Variants in ENPEP observed in about 807,000 individuals in gnomAD.
The protein encoded by ENPEP is AP-A.
A neutral mutation model predicts 114.5 loss-of-function variants in ENPEP; 103 were observed. The observed-to-expected ratio is 0.90, with a 90% CI of 0.77 to 1.06. The LOEUF (loss-of-function observed/expected upper bound fraction) is 1.06. ENPEP is among the 50% of genes least tolerant of loss of function. The pLI, the probability that ENPEP is intolerant of heterozygous loss-of-function variation, is 0.00. For missense variants in ENPEP, 1,196 were observed against 1,161.3 expected (o/e 1.03, Z -0.43); for synonymous variants, 420 against 422.0 (o/e 1.00, Z 0.06).
chr4:110,516,691 G>A (rs911652480), intron 8 of ENPEP, among the ~76,000 whole-genome samples: 2 of 152,158 alleles, frequency 1.3e-5, no homozygotes, highest in Admixed American at 6.5e-5. Context: ...AAAAGAAAAC[G>A]GCCCCCTTCT....
At chr4:110,544,478 T>C (rs1478290394) in intron 13 of ENPEP, among the ~76,000 whole-genome samples, 2 of 152,076 alleles carry the variant, frequency 1.3e-5, no homozygotes, top group African/African-American at 4.8e-5. Flanking sequence ...GGATATGTAA[T>C]AGATTATTTT....
chr4:110,510,433 A>C, intron 6 of ENPEP, 75 bp downstream of exon 6: 6 of 1,240,304 alleles, frequency 4.8e-6, no homozygotes, highest in South Asian at 1.3e-5. Flanking sequence ...GGACTATGAT[A>C]ATGGTCCCGA....
At chr4:110,487,527 C>T (rs2001255) in intron 1 of ENPEP, among the ~76,000 whole-genome samples, 76,260 of 152,024 alleles carry the variant, frequency 0.5, 19,223 homozygotes, top group Middle Eastern at 0.65. Context: ...TGCTTGTGTG[C>T]GCACGTGTGT....
rs535374222 is a variant in ENPEP, at chr4:110,563,839, C to T, written c.*2281C>T. On this transcript the variant is annotated 3_prime_UTR_variant, in exon 20 of 20. Coordinates refer to ENST00000265162, the MANE Select transcript of ENPEP (RefSeq NM_001977.4). ...AGGAGTTTAAATAATAAAACATAGA[C>T]GTAAAACTGACAGGCAAGGGAGGTT... The T allele has an allele frequency of 1.3e-5, 2 of 152,020 alleles. No homozygotes were observed. The highest frequency in any genetic ancestry group is 2.4e-5 in the African/African-American group (1 of 41,368). 9.4% of individuals were successfully genotyped at this position (152,020 alleles called of 1,614,324 possible). A position where few individuals can be genotyped will look rare whatever the true frequency, so the allele number is the denominator to read the frequency against.
intron 3 of ENPEP, among the ~76,000 whole-genome samples, chr4:110,496,634 C>CT (rs1724948819): frequency 6.6e-6 from 1 of 152,136 alleles, no homozygotes; most frequent in Admixed American, 6.5e-5. Context: ...TGATATATGA[C>CT]ATTTCTCAGT....
chr4:110,549,376 G>A lies in ENPEP; in HGVS notation c.2182G>A (p.Ala728Thr), dbSNP rs771699673. The change falls in exon 15 of 20, where the codon GCA (alanine) becomes ACA (threonine). Residue 728 changes from alanine (A) to threonine (T), a missense_variant. Coordinates refer to ENST00000265162, the MANE Select transcript of ENPEP (RefSeq NM_001977.4). Reference protein sequence around the residue: ...EYFQGQVKPIADSLGWNDAGD... With the variant: ...EYFQGQVKPITDSLGWNDAGD... Reference sequence around the variant, plus strand: ...CTTCCAAGGTCAAGTGAAGCCTATTGCAGATTCTCTGGGATGGAATGATGC... The same window carrying A: ...CTTCCAAGGTCAAGTGAAGCCTATTACAGATTCTCTGGGATGGAATGATGC... 7.7e-5 allele frequency: 124 copies of A among 1,613,132 alleles called. No individual in the cohort carries two copies. Among genetic ancestry groups the A allele is most frequent in the Non-Finnish European group, 1.0e-4 (120 of 1,179,470 alleles).
chr4:110,497,664 A>G (rs1209120801), intron 3 of ENPEP, among the ~76,000 whole-genome samples: 2 of 152,132 alleles, frequency 1.3e-5, no homozygotes, highest in South Asian at 2.1e-4. Context: ...GTGAGTTCCG[A>G]CTCAGAGTCC....
Position 110,476,838 on chromosome 4 carries a change from A to G in ENPEP, c.424A>G (p.Thr142Ala). 6.2e-7 allele frequency: 1 copy of G among 1,614,078 alleles called. No homozygotes were observed. Among genetic ancestry groups the G allele is most frequent in the Non-Finnish European group, 8.5e-7 (1 of 1,179,998 alleles). Residue 142 changes from threonine (T) to alanine (A), a missense_variant, in exon 1 of 20, where the codon ACC (threonine) becomes GCC (alanine). Transcript: ENST00000265162. ...LWLHLRETRI[T>A]RLPELKRPSG... The stretch of plus-strand genomic sequence containing the variant: ...GCTGCACCTCCGGGAGACCAGGATC[A>G]CCCGGCTCCCGGAGCTGAAGAGGCC...
At chr4:110,486,907 T>G (rs1168390584) in intron 1 of ENPEP, among the ~76,000 whole-genome samples, 2 of 152,108 alleles carry the variant, frequency 1.3e-5, no homozygotes, top group African/African-American at 4.8e-5. Context: ...GGATCAGAGT[T>G]TTTAAGATAA....
At chr4:110,487,562 G>A (rs1814951) in intron 1 of ENPEP, among the ~76,000 whole-genome samples, 132,727 of 152,244 alleles carry the variant, frequency 0.87, 58,076 homozygotes, top group Middle Eastern at 0.93. Context: ...CTCAATTAAT[G>A]TTTCTTGGAT....
At chr4:110,558,898 C>A (rs148945074) in intron 18 of ENPEP, among the ~76,000 whole-genome samples, 6 of 152,280 alleles carry the variant, frequency 3.9e-5, no homozygotes, top group African/African-American at 1.4e-4. Flanking sequence ...TAGATCATAA[C>A]CCCCACATGC....
intron 1 of ENPEP, among the ~76,000 whole-genome samples, chr4:110,488,186 G>T (rs1724570453): frequency 6.6e-6 from 1 of 152,162 alleles, no homozygotes; most frequent in African/African-American, 2.4e-5. Context: ...AATGGGCTTG[G>T]GGTGGAGAGA....
At chr4:110,504,461 C>G (rs1725290706) in intron 3 of ENPEP, among the ~76,000 whole-genome samples, 1 of 152,146 alleles carries the variant, frequency 6.6e-6, no homozygotes. Context: ...TAGAGAAATG[C>G]AGAGCTGCTG....
chr4:110,501,372 G>A (rs530779302), intron 3 of ENPEP, among the ~76,000 whole-genome samples: 11 of 152,194 alleles, frequency 7.2e-5, no homozygotes, highest in Middle Eastern at 6.8e-3. Flanking sequence ...TGTACAGATT[G>A]TTTCACTTCT....
At chr4:110,559,557 CTA>C (rs939623831) in intron 18 of ENPEP, 88 bp from the exon 19 acceptor site, 25 of 926,894 alleles carry the variant, frequency 2.7e-5, no homozygotes, top group Non-Finnish European at 4.0e-5. Context: ...CTTTTAAAAA[CTA>C]TGAAATAAAA....
chr4:110,549,666 A>T (rs1258286527), intron 16 of ENPEP, 34 bp downstream of exon 16: 2 of 1,612,898 alleles, frequency 1.2e-6, no homozygotes, highest in African/African-American at 2.7e-5. Context: ...TAGAAGACAC[A>T]TTTGAGAAAA....
intron 4 of ENPEP, among the ~76,000 whole-genome samples, chr4:110,507,025 T>C (rs1424959857): frequency 2.6e-5 from 4 of 152,194 alleles, no homozygotes; most frequent in Non-Finnish European, 5.9e-5. Context: ...GATGAAAGTA[T>C]GTGCACAAAA....
intron 4 of ENPEP, among the ~76,000 whole-genome samples, chr4:110,508,873 G>A (rs189121452): frequency 5.3e-5 from 8 of 152,280 alleles, no homozygotes; most frequent in South Asian, 2.1e-4. Flanking sequence ...TATGTTAAGT[G>A]AAAAATCAAT....
intron 8 of ENPEP, among the ~76,000 whole-genome samples, chr4:110,518,336 G>A (rs563588718): frequency 6.6e-6 from 1 of 152,232 alleles, no homozygotes; most frequent in African/African-American, 2.4e-5. Flanking sequence ...ACAGGAATGG[G>A]TCAGCTGGAA....
Sources: allele counts gnomAD v4.1 joint callset (sites outside exome capture counted in the v4.1 genomes callset), GRCh38; gene constraint gnomAD v4.1.1; transcripts MANE v1.5; gene names NCBI Gene and HGNC (gene_info 2026-07-23, HGNC 2026-07-21).